The following RBPJL variants were observed in gnomAD, a reference collection of about 807,000 sequenced individuals.
RBPJL encodes the protein recombination signal binding protein for immunoglobulin kappa J region like.
RBPJL carries 50 observed loss-of-function variants against 57.6 expected under a neutral mutation model. The observed-to-expected ratio is 0.87, with a 90% CI of 0.69 to 1.10. The LOEUF is 1.10. Ranked by LOEUF, RBPJL falls within the 50% of genes least tolerant of loss-of-function variation. The pLI is 0.00. For synonymous variants in RBPJL, 303 were observed against 294.4 expected, an observed-to-expected ratio of 1.03 and a Z score of -0.30; for missense variants, 684 against 693.7, an observed-to-expected ratio of 0.99 and a Z score of 0.16.
chr20:45,313,699 C>G (rs1987312765), intron 7 of RBPJL, 94 bp downstream of exon 7: 2 of 1,316,392 alleles, frequency 1.5e-6, no homozygotes, highest in Non-Finnish European at 2.0e-6. Context: ...AAACTCTGCC[C>G]CATGTGATTA....
At chr20:45,315,931 A>C (rs978001663) in intron 9 of RBPJL, 1 of 385,292 alleles carries the variant, frequency 2.6e-6, no homozygotes, top group Non-Finnish European at 4.6e-6. Flanking sequence ...AAGAAAAAGA[A>C]AAGGAAGGAA....
rs1987533020 is a variant in RBPJL, at chr20:45,317,551, A to G, written c.*592A>G. 6.6e-6 allele frequency: 1 copy of G among 152,542 alleles called. No individual in the cohort carries two copies. The highest frequency in any genetic ancestry group is 2.4e-5 in the African/African-American group (1 of 41,412). 9.4% of individuals were successfully genotyped at this position (152,542 alleles called of 1,614,324 possible). A position where few individuals can be genotyped will look rare whatever the true frequency, so the allele number is the denominator to read the frequency against. ...AGTCTCACCTGGGGAATTCGGTCCC[A>G]CCTGGGGCACCAGTTCCCACCTAGA... is the stretch of plus-strand genomic sequence containing the variant. On this transcript the variant is annotated 3_prime_UTR_variant, in exon 12 of 12. Coordinates refer to ENST00000343694, the MANE Select transcript of RBPJL (RefSeq NM_014276.4).
At chr20:45,315,440 C>T (rs1283183089) in intron 9 of RBPJL, among the ~76,000 whole-genome samples, 1 of 151,886 alleles carries the variant, frequency 6.6e-6, no homozygotes, top group African/African-American at 2.4e-5. Context: ...AAAAAAGACC[C>T]TTAGAAATCA....
rs960170179 is a variant in RBPJL at position 45,317,061 on chromosome 20, T to C, written c.*102T>C. The stretch of plus-strand genomic sequence containing the variant: ...AGGCCCTGCTTCCTTGCCCCTTTGC[T>C]GCAGAAGGGCAGCTGAAGGCTCACC... On this transcript the variant is annotated 3_prime_UTR_variant, in exon 12 of 12. Transcript: ENST00000343694. 22 of 1,396,486 alleles carry C rather than the reference T, an allele frequency of 1.6e-5. No homozygotes were observed. Among genetic ancestry groups the C allele is most frequent in the Non-Finnish European group, 2.1e-5 (22 of 1,034,020 alleles). 86.5% of individuals were successfully genotyped at this position (1,396,486 alleles called of 1,614,324 possible).
chr20:45,312,713 G>C (rs1166453572), intron 6 of RBPJL, among the ~76,000 whole-genome samples: 2 of 152,000 alleles, frequency 1.3e-5, no homozygotes, highest in African/African-American at 2.4e-5. Flanking sequence ...ACATAGGTGG[G>C]GCACGGTGGC....
At chr20:45,313,342 A>C (rs1987286924) in intron 6 of RBPJL, 126 bp from the exon 7 acceptor site, 1 of 635,620 alleles carries the variant, frequency 1.6e-6, no homozygotes, top group Non-Finnish European at 2.5e-6. Flanking sequence ...CCCTCACCCT[A>C]ATCCTAACCC....
Position 45,308,239 on chromosome 20 carries a change from G to A in RBPJL, c.119G>A (p.Gly40Asp), listed in dbSNP as rs1426690927. Residue 40 changes from glycine to aspartate, a missense_variant, in exon 2 of 12, where the codon GGC becomes GAC. Coordinates refer to ENST00000343694, the MANE Select transcript of RBPJL (RefSeq NM_014276.4). ...QSEADRRSLP[G>D]TWTRSSPEHT... is the part of the protein sequence containing the mutation. ...GAAGCCGACAGGCGGAGCCTCCCGG[G>A]CACTTGGACCAGGTAACGGCGGCGT... is the stretch of plus-strand genomic sequence containing the variant. 1.2e-6 allele frequency: 2 copies of A among 1,612,676 alleles called. No individual in the cohort carries two copies. The highest frequency in any genetic ancestry group is 2.2e-5 in the South Asian group (2 of 91,062).
chr20:45,308,341 C>A, intron 2 of RBPJL, 90 bp downstream of exon 2: 4 of 866,790 alleles, frequency 4.6e-6, no homozygotes, highest in South Asian at 2.8e-5. Context: ...CCAGGGCTGG[C>A]GGGTGGGGAG....
intron 1 of RBPJL, among the ~76,000 whole-genome samples, chr20:45,307,477 T>C (rs1986827442): frequency 6.6e-6 from 1 of 152,090 alleles, no homozygotes; most frequent in African/African-American, 2.4e-5. Flanking sequence ...GGGGAACCCT[T>C]GTCAAGCTTG....
intron 6 of RBPJL, among the ~76,000 whole-genome samples, chr20:45,312,663 T>C (rs1568891985): frequency 6.6e-6 from 1 of 151,938 alleles, no homozygotes; most frequent in East Asian, 1.9e-4. Flanking sequence ...AGACAAAAGT[T>C]GAACTAGGCA....
rs749039599 is a variant in RBPJL at position 45,312,827 on chromosome 20, C to CAA, written c.619+450_619+451dup. 8.7e-3 allele frequency among the ~76,000 whole-genome samples: 734 copies of CAA among 84,756 alleles called. 19 individuals are homozygous for CAA. Among genetic ancestry groups the CAA allele is most frequent in the African/African-American group, 0.028 (693 of 25,052 alleles). 55.6% of individuals were successfully genotyped at this position (84,756 alleles called of 152,430 possible). A position where few individuals can be genotyped will look rare whatever the true frequency, so the allele number is the denominator to read the frequency against. ...CAACATGGCGAAATCTTGTCTGTAC[C>CAA]AAAAAAAAAAAAAAAAAAAGAAAAA... On this transcript the variant is annotated intron_variant, in intron 6 of 11. Transcript: ENST00000343694.
At chr20:45,308,350 A>AAGT (rs1986933747) in intron 2 of RBPJL, 99 bp downstream of exon 2, 2 of 764,726 alleles carry the variant, frequency 2.6e-6, no homozygotes, top group Non-Finnish European at 4.5e-6. Context: ...GCGGGTGGGG[A>AAGT]GGGGAAGTGC....
In RBPJL at chr20:45,312,349, C is replaced by A. The variant is rs772852230; in HGVS notation, c.573C>A (p.Val191=). Residue 191 remains valine (V), a synonymous_variant, in exon 6 of 12, where the codon GTC becomes GTA. Transcript: ENST00000343694. ...LGTFHSRLIK[V]ISKPSQKKQS... is the part of the protein sequence containing the mutation. ...CCTTCCACAGCCGCCTTATCAAGGT[C>A]ATCTCGAAGCCCTCGCAGAAGAAGC... The A allele has an allele frequency of 1.2e-6, 2 of 1,614,188 alleles. No individual in the cohort carries two copies. The highest frequency in any genetic ancestry group is 3.3e-5 in the Admixed American group (2 of 60,034).
At position 45,316,812 on chromosome 20, in the gene RBPJL, T is replaced by C. The variant is rs560973244; in HGVS notation, c.1407T>C (p.Ser469=). ...LVRADGLFYP[S]AFSFTYTPEY... ...GCGCCGACGGGCTCTTCTACCCTAG[T>C]GCCTTCTCCTTCACCTACACCCCGG... Residue 469 remains serine, a synonymous_variant, in exon 12 of 12, where the codon AGT becomes AGC. Coordinates refer to ENST00000343694, the MANE Select transcript of RBPJL (RefSeq NM_014276.4). 3.4e-5 allele frequency: 55 copies of C among 1,613,898 alleles called. No individual in the cohort carries two copies. In the African/African-American group the frequency reaches 6.0e-4, roughly 18 times the overall value.
chr20:45,314,251 T>G (rs1379480135), intron 8 of RBPJL, 107 bp downstream of exon 8: 3 of 1,234,156 alleles, frequency 2.4e-6, no homozygotes, highest in Non-Finnish European at 2.3e-6. Context: ...TGGAGACACC[T>G]GTTCTCACCC....
intron 6 of RBPJL, 114 bp from the exon 7 acceptor site, chr20:45,313,354 C>T: frequency 1.3e-6 from 1 of 766,724 alleles, no homozygotes; most frequent in East Asian, 2.8e-5. Flanking sequence ...TCCTAACCCT[C>T]ACCCTCACCC....
intron 2 of RBPJL, 65 bp from the exon 3 acceptor site, chr20:45,309,502 G>T: frequency 1.3e-6 from 2 of 1,531,368 alleles, no homozygotes; most frequent in South Asian, 2.6e-5. Flanking sequence ...CTGAGTGCTT[G>T]GACCCTGTGC....
chr20:45,311,698 T>C, intron 4 of RBPJL, 39 bp downstream of exon 4: 1 of 1,607,308 alleles, frequency 6.2e-7, no homozygotes, highest in Non-Finnish European at 8.5e-7. Context: ...GCCTGCTCTG[T>C]AGGGAGGACC....
chr20:45,308,396 C>A (rs2145683582), intron 2 of RBPJL, 145 bp downstream of exon 2: 2 of 611,674 alleles, frequency 3.3e-6, no homozygotes, highest in East Asian at 5.5e-5. Flanking sequence ...GGAGGGATCC[C>A]CCCTTCCTCC....
Sources: allele counts gnomAD v4.1 joint callset (sites outside exome capture counted in the v4.1 genomes callset), GRCh38; gene constraint gnomAD v4.1.1; transcripts MANE v1.5; gene names NCBI Gene and HGNC (gene_info 2026-07-23, HGNC 2026-07-21).